Variants in FOXN2 observed in about 807,000 individuals in gnomAD.
FOXN2 encodes forkhead box protein N2.
A neutral mutation model predicts 41.2 loss-of-function variants in FOXN2; 19 were observed. The ratio of observed to expected loss-of-function variants is 0.46; its 90% confidence interval spans 0.32 to 0.68. The LOEUF is 0.68. FOXN2 is among the 30% of genes least tolerant of loss of function. FOXN2 has a pLI of 0.03. For missense variants in FOXN2, 587 were observed against 509.4 expected (o/e 1.15, Z -1.47); for synonymous variants, 195 against 176.8 (o/e 1.10, Z -0.82).
At chr2:48,365,938 A>G (rs35839493) in intron 5 of FOXN2, among the ~76,000 whole-genome samples, 8,028 of 152,280 alleles carry the variant, frequency 0.053, 530 homozygotes, top group East Asian at 0.35. Context: ...GAGAAGTTTA[A>G]AAAACACCAA....
At chr2:48,341,376 A>T (rs990401854) in intron 2 of FOXN2, among the ~76,000 whole-genome samples, 1 of 152,182 alleles carries the variant, frequency 6.6e-6, no homozygotes, top group Admixed American at 6.5e-5. Context: ...TTGCATATTT[A>T]TATATTCCTG....
intron 2 of FOXN2, among the ~76,000 whole-genome samples, chr2:48,336,440 T>C (rs535497708): frequency 2.7e-5 from 4 of 147,288 alleles, no homozygotes; most frequent in Admixed American, 1.3e-4. Context: ...TGTATATGTG[T>C]GTGTGTGTGT....
chr2:48,330,443 T>C (rs1464608333), intron 2 of FOXN2, among the ~76,000 whole-genome samples: 2 of 152,220 alleles, frequency 1.3e-5, no homozygotes, highest in South Asian at 4.1e-4. Flanking sequence ...CATAGCTCTG[T>C]AGCAGACATT....
At position 48,323,878 on chromosome 2, in the gene FOXN2, CT is replaced by C. The variant is rs1323159574; in HGVS notation, c.-156-4679del. Among the ~76,000 whole-genome samples the C allele has an allele frequency of 3.3e-5, 5 of 152,072 alleles. No homozygotes were observed. In the East Asian group the frequency reaches 5.8e-4, roughly 18 times the overall value. On this transcript the variant is annotated intron_variant, in intron 1 of 6. Coordinates refer to ENST00000340553, the MANE Select transcript of FOXN2 (RefSeq NM_002158.4). ...ATAGTTTCAGGTCTTACATTTAAGT[CT>C]TTTCTGTAGCTAATTTTTGTATATG...
At chr2:48,359,981 A>T (rs1004701250) in intron 4 of FOXN2, among the ~76,000 whole-genome samples, 7 of 152,094 alleles carry the variant, frequency 4.6e-5, no homozygotes, top group Non-Finnish European at 1.0e-4. Flanking sequence ...TTTGAAAAGT[A>T]TGTTCAAGTC....
At chr2:48,356,903 TGA>T (rs1671830401) in intron 3 of FOXN2, among the ~76,000 whole-genome samples, 1 of 152,214 alleles carries the variant, frequency 6.6e-6, no homozygotes, top group South Asian at 2.1e-4. Context: ...AATAATAAAA[TGA>T]GAGAATGCTC....
chr2:48,328,198 G>T (rs183002484), intron 1 of FOXN2, among the ~76,000 whole-genome samples: 1 of 152,046 alleles, frequency 6.6e-6, no homozygotes, highest in Non-Finnish European at 1.5e-5. Context: ...TAGGACTTTC[G>T]CTCTGTTGAC....
chr2:48,329,550 G>A (rs72818502), intron 2 of FOXN2, among the ~76,000 whole-genome samples: 17,091 of 151,986 alleles, frequency 0.11, 1,395 homozygotes, highest in East Asian at 0.45. Flanking sequence ...CACATTTTTT[G>A]TTTAGAGACA....
At chr2:48,354,903 A>G (rs575607472) in intron 3 of FOXN2, among the ~76,000 whole-genome samples, 3 of 152,210 alleles carry the variant, frequency 2.0e-5, no homozygotes, top group African/African-American at 7.2e-5. Flanking sequence ...TTTTTTATCT[A>G]TTAGAATTCA....
At chr2:48,351,288 T>C (rs1311200161) in intron 3 of FOXN2, among the ~76,000 whole-genome samples, 1 of 152,112 alleles carries the variant, frequency 6.6e-6, no homozygotes, top group East Asian at 1.9e-4. Flanking sequence ...TTTTTCGTTT[T>C]GTTTTGTGAG....
At chr2:48,343,292 A>G (rs1223578357) in intron 2 of FOXN2, among the ~76,000 whole-genome samples, 2 of 152,134 alleles carry the variant, frequency 1.3e-5, no homozygotes, top group Non-Finnish European at 2.9e-5. Context: ...GTTTCCTACC[A>G]TTAAGGATTC....
chr2:48,365,697 A>G (rs545945125), intron 5 of FOXN2, among the ~76,000 whole-genome samples: 126 of 152,308 alleles, frequency 8.3e-4, no homozygotes, highest in Non-Finnish European at 8.5e-4. Flanking sequence ...TATATGCATG[A>G]GTCTTAGGCC....
chr2:48,374,843 A>G, intron 6 of FOXN2, 77 bp from the exon 7 acceptor site: 2 of 1,188,760 alleles, frequency 1.7e-6, no homozygotes, highest in South Asian at 3.1e-5. Context: ...GCTCAAGAGT[A>G]ATGTAGTAGT....
At chr2:48,361,466 CAAAA>C (rs780422235) in intron 4 of FOXN2, among the ~76,000 whole-genome samples, 1 of 73,940 alleles carries the variant, frequency 1.4e-5, no homozygotes. Flanking sequence ...GACTGTGTCT[CAAAA>C]AAAAAAAAAA....
chr2:48,317,438 A>G (rs1360118736), intron 1 of FOXN2, among the ~76,000 whole-genome samples: 5 of 149,534 alleles, frequency 3.3e-5, no homozygotes, highest in African/African-American at 1.2e-4. Context: ...AACGGGGCAA[A>G]ACTCTGTCTC....
chr2:48,365,769 G>A (rs1475089911), intron 5 of FOXN2, among the ~76,000 whole-genome samples: 1 of 152,098 alleles, frequency 6.6e-6, no homozygotes, highest in African/African-American at 2.4e-5. Flanking sequence ...TAAAACAAAT[G>A]CACATCTGTC....
chr2:48,347,813 C>A (rs1671212236), intron 3 of FOXN2, among the ~76,000 whole-genome samples: 1 of 151,950 alleles, frequency 6.6e-6, no homozygotes, highest in African/African-American at 2.4e-5. Flanking sequence ...TTATTTTAAA[C>A]TTTTTTGTGG....
intron 1 of FOXN2, among the ~76,000 whole-genome samples, chr2:48,318,662 A>G (rs1047368764): frequency 3.3e-5 from 5 of 152,148 alleles, no homozygotes; most frequent in African/African-American, 4.8e-5. Context: ...CCTCGACCTA[A>G]TTTTCCTTTC....
At chr2:48,353,332 G>C (rs1051708977) in intron 3 of FOXN2, among the ~76,000 whole-genome samples, 1 of 151,906 alleles carries the variant, frequency 6.6e-6, no homozygotes, top group Non-Finnish European at 1.5e-5. Flanking sequence ...CTGCATTTTC[G>C]TAATTCACTT....
Sources: allele counts gnomAD v4.1 joint callset (sites outside exome capture counted in the v4.1 genomes callset), GRCh38; gene constraint gnomAD v4.1.1; transcripts MANE v1.5; gene names NCBI Gene and HGNC (gene_info 2026-07-23, HGNC 2026-07-21).